The following GTF3C1 variants were observed in gnomAD, a reference collection of about 807,000 sequenced individuals.
GTF3C1 encodes general transcription factor 3C polypeptide 1.
GTF3C1 carries 57 observed loss-of-function variants against 226.7 expected under a neutral mutation model. That is an observed-to-expected ratio of 0.25 (90% CI 0.20 to 0.31). The LOEUF (loss-of-function observed/expected upper bound fraction) is 0.31. GTF3C1 is among the 10% of genes least tolerant of loss of function. The pLI is 1.00. For missense variants in GTF3C1, 2,217 were observed against 2,776.1 expected, an observed-to-expected ratio of 0.80 and a Z score of 4.53; for synonymous variants, 1,090 against 1,084.8, an observed-to-expected ratio of 1.00 and a Z score of -0.09.
chr16:27,488,675 C>T (rs1824864928), intron 21 of GTF3C1, 40 bp from the exon 22 acceptor site: 2 of 1,496,630 alleles, frequency 1.3e-6, no homozygotes, highest in African/African-American at 2.8e-5. Context: ...GCATGAGCTT[C>T]CACAAATCCC....
chr16:27,495,195 G>T lies in GTF3C1; in HGVS notation c.2632+16C>A. 1 of 1,591,242 alleles carries T rather than the reference G, an allele frequency of 6.3e-7. No homozygotes were observed. Among genetic ancestry groups the T allele is most frequent in the Non-Finnish European group, 8.6e-7 (1 of 1,162,098 alleles). On this transcript the variant is annotated intron_variant, in intron 15 of 36. Transcript: ENST00000356183. ...GCCTGCCCGCCCCAGGTGCAGGAGT[G>T]GCAGGGGCCTCTCACCTGTCTCCGT...
At chr16:27,503,854 G>A (rs2088444695) in intron 10 of GTF3C1, among the ~76,000 whole-genome samples, 1 of 152,278 alleles carries the variant, frequency 6.6e-6, no homozygotes, top group South Asian at 2.1e-4. Context: ...GCTGGGAGTA[G>A]CACTTTCAGG....
Position 27,511,903 on chromosome 16 carries a change from T to C in GTF3C1, c.974-2A>G. On this transcript the variant is annotated splice_acceptor_variant, in intron 6 of 36. Coordinates refer to ENST00000356183, the MANE Select transcript of GTF3C1 (RefSeq NM_001520.4). LOFTEE classifies it high-confidence loss of function. ...GGCACCGAACCATGACGTCGGTCCC[T>C]GGCAACACAAGCACGGGTTTGCCAG... 4 of 1,613,940 alleles carry C rather than the reference T, an allele frequency of 2.5e-6. No individual in the cohort carries two copies. The highest frequency in any genetic ancestry group is 3.4e-6 in the Non-Finnish European group (4 of 1,180,014).
At chr16:27,483,533 A>G in intron 25 of GTF3C1, 1 of 457,182 alleles carries the variant, frequency 2.2e-6, no homozygotes, top group South Asian at 1.6e-5. Flanking sequence ...TGTCCACTCC[A>G]CTAACCTTCA....
Position 27,476,260 on chromosome 16 carries a change from C to T in GTF3C1, c.4353+191G>A, listed in dbSNP as rs912921952. Among the ~76,000 whole-genome samples, 3 of 152,196 alleles carry T rather than the reference C, an allele frequency of 2.0e-5. No individual in the cohort carries two copies. In the South Asian group the frequency reaches 6.2e-4, roughly 32 times the overall value. ...AAATCCTCCAGTTGTATAACATAAA[C>T]ATACACAATAAACACAAAGAAATAA... On this transcript the variant is annotated intron_variant, in intron 29 of 36. Transcript: ENST00000356183.
At chr16:27,472,818 C>A (rs758653673) in intron 29 of GTF3C1, among the ~76,000 whole-genome samples, 2 of 152,242 alleles carry the variant, frequency 1.3e-5, no homozygotes, top group Non-Finnish European at 2.9e-5. Context: ...CCTCTGAGGT[C>A]AATTGCCTTA....
In GTF3C1 at chr16:27,547,131, G is replaced by A. The variant is rs557302797; in HGVS notation, c.222-1608C>T. On this transcript the variant is annotated intron_variant, in intron 1 of 36. Transcript: ENST00000356183. ...TGTCCTCTACCTCTCCAGCCACACC[G>A]CCTCAGTCTTCTTTTGAAAGTCCCT... 2.2e-4 allele frequency among the ~76,000 whole-genome samples: 34 copies of A among 152,120 alleles called. No homozygotes were observed. The East Asian group carries it at 3.3e-3, about 15-fold the overall frequency.
chr16:27,496,837 C>T (rs1430251070), intron 14 of GTF3C1, among the ~76,000 whole-genome samples: 3 of 152,342 alleles, frequency 2.0e-5, no homozygotes, highest in South Asian at 2.1e-4. Context: ...AGTCAGAAGG[C>T]CCACCCGAGG....
Position 27,497,648 on chromosome 16 carries a change from T to G in GTF3C1, c.2339A>C (p.His780Pro). Residue 780 changes from histidine to proline, a missense_variant, in exon 14 of 37, where the codon CAC becomes CCC. Coordinates refer to ENST00000356183, the MANE Select transcript of GTF3C1 (RefSeq NM_001520.4). ...AAGCTGCAGCTTACCTACAATGGGG[T>G]GATAATTTCTAAGCGGGGTTATGCC... ...KMGITPLRNYHPIVVPGLGRS... is the reference protein window; with the variant it reads ...KMGITPLRNYPPIVVPGLGRS... The G allele has an allele frequency of 1.2e-6, 2 of 1,612,166 alleles. No homozygotes were observed. The highest frequency in any genetic ancestry group is 1.7e-6 in the Non-Finnish European group (2 of 1,178,622).
intron 6 of GTF3C1, among the ~76,000 whole-genome samples, chr16:27,516,240 G>GCTCAGTTGT (rs2088656620): frequency 6.6e-6 from 1 of 152,228 alleles, no homozygotes; most frequent in African/African-American, 2.4e-5. Flanking sequence ...TCAGCATGAG[G>GCTCAGTTGT]CTCAGTTGTT....
chr16:27,480,016 C>T (rs991874444), intron 27 of GTF3C1, among the ~76,000 whole-genome samples: 3 of 151,942 alleles, frequency 2.0e-5, no homozygotes, highest in East Asian at 1.9e-4. Context: ...CTGGCTAACA[C>T]GGTGAAACCC....
intron 11 of GTF3C1, among the ~76,000 whole-genome samples, chr16:27,502,511 C>T (rs1007289562): frequency 1.3e-5 from 2 of 152,178 alleles, no homozygotes; most frequent in Non-Finnish European, 2.9e-5. Context: ...TGCTACTACT[C>T]GCTTAAGTGT....
intron 10 of GTF3C1, 99 bp downstream of exon 10, chr16:27,505,800 G>A (rs2088475645): frequency 1.3e-6 from 1 of 755,968 alleles, no homozygotes; most frequent in Non-Finnish European, 2.3e-6. Flanking sequence ...CACTCTCGCT[G>A]TGGATGATTC....
chr16:27,497,591 C>T, intron 14 of GTF3C1, 46 bp downstream of exon 14: 1 of 1,502,656 alleles, frequency 6.7e-7, no homozygotes, highest in Non-Finnish European at 9.2e-7. Context: ...GTCATACAAA[C>T]AACAAATCAA....
intron 6 of GTF3C1, among the ~76,000 whole-genome samples, chr16:27,516,822 G>A (rs754326174): frequency 4.6e-5 from 7 of 152,094 alleles, no homozygotes; most frequent in Non-Finnish European, 7.3e-5. Flanking sequence ...TTGTAGAGAC[G>A]GGATCTTGCT....
At chr16:27,531,849 C>T (rs969688449) in intron 5 of GTF3C1, among the ~76,000 whole-genome samples, 11 of 152,182 alleles carry the variant, frequency 7.2e-5, no homozygotes, top group African/African-American at 2.7e-4. Flanking sequence ...GTAGGAAATT[C>T]CTTCGTTTCT....
chr16:27,461,041 T>C lies in GTF3C1; in HGVS notation c.*309A>G, dbSNP rs1009287234. 15 of 288,160 alleles carry C rather than the reference T, an allele frequency of 5.2e-5. No individual in the cohort carries two copies. Among genetic ancestry groups the C allele is most frequent in the Non-Finnish European group, 9.8e-5 (15 of 152,386 alleles). 17.9% of individuals were successfully genotyped at this position (288,160 alleles called of 1,614,324 possible). A position where few individuals can be genotyped will look rare whatever the true frequency, so the allele number is the denominator to read the frequency against. ...GCCGAGATGGCTAGAGTCTGGAATG[T>C]GAGGTGTGCACAGGCGGGGCAAACT... On this transcript the variant is annotated 3_prime_UTR_variant, in exon 37 of 37. Coordinates refer to ENST00000356183, the MANE Select transcript of GTF3C1 (RefSeq NM_001520.4). This position sits in a 1 kb window ranked among gnomAD's most constrained non-coding sequence, Gnocchi z 5.3.
In GTF3C1 at chr16:27,538,071, G is replaced by C. The variant is rs1034783275; in HGVS notation, c.608+109C>G. ...ACAGTCACTGTGAGACCACGGCCTT[G>C]AAACAAAAAGCCATGCCTCAGGGAA... On this transcript the variant is annotated intron_variant, in intron 3 of 36. Transcript: ENST00000356183. 2.1e-5 allele frequency: 26 copies of C among 1,259,586 alleles called. No homozygotes were observed. The African/African-American group carries it at 3.6e-4, about 17-fold the overall frequency. The allele number at this position is 1,259,586 out of a possible 1,614,324, so 78.0% of individuals were successfully genotyped here. A position where few individuals can be genotyped will look rare whatever the true frequency, so the allele number is the denominator to read the frequency against.
chr16:27,503,341 TACAG>T (rs1419264617), intron 10 of GTF3C1, among the ~76,000 whole-genome samples: 2 of 152,236 alleles, frequency 1.3e-5, no homozygotes, highest in Admixed American at 1.3e-4. Context: ...GAAACTGATG[TACAG>T]ACAATTACAT....
Sources: allele counts gnomAD v4.1 joint callset (sites outside exome capture counted in the v4.1 genomes callset), GRCh38; gene constraint gnomAD v4.1.1; non-coding constraint Gnocchi (gnomAD v3.1); transcripts MANE v1.5; gene names NCBI Gene and HGNC (gene_info 2026-07-23, HGNC 2026-07-21).